Variants in DOCK10 observed in about 807,000 individuals in gnomAD.
The protein encoded by DOCK10 is dedicator of cytokinesis protein 10.
Under a neutral mutation model 280.1 loss-of-function variants are expected in DOCK10, and 145 were observed. That is an observed-to-expected ratio of 0.52 (90% CI 0.45 to 0.59). The LOEUF (loss-of-function observed/expected upper bound fraction) is 0.59. Ranked by LOEUF, DOCK10 falls within the 20% of genes least tolerant of loss-of-function variation. The pLI is 0.00. For synonymous variants in DOCK10, 915 were observed against 942.2 expected (o/e 0.97, Z 0.53); for missense variants, 2,368 against 2,651.7 (o/e 0.89, Z 2.35).
intron 44 of DOCK10, 40 bp downstream of exon 44, chr2:224,796,275 TA>T (rs1217413663): frequency 1.6e-6 from 2 of 1,272,606 alleles, no homozygotes; most frequent in Non-Finnish European, 2.2e-6. Context: ...ACTTCAGATT[TA>T]AAAAAATTCT....
chr2:224,938,071 G>A lies in DOCK10; in HGVS notation c.124-6403C>T, dbSNP rs1396161659. On this transcript the variant is annotated intron_variant, in intron 1 of 55. Coordinates refer to ENST00000258390, the MANE Select transcript of DOCK10 (RefSeq NM_014689.3). Reference sequence around the variant, plus strand: ...CCATGTCTTGGTTATTCACCATTGGGGTTGCTCTAGTTTTGTCTACCTGAA... The same window carrying A: ...CCATGTCTTGGTTATTCACCATTGGAGTTGCTCTAGTTTTGTCTACCTGAA... Among the ~76,000 whole-genome samples, 5 of 152,134 alleles carry A rather than the reference G, an allele frequency of 3.3e-5. No homozygotes were observed. In the East Asian group the frequency reaches 7.7e-4, roughly 24 times the overall value.
rs748507468 is a variant in DOCK10 at position 224,985,130 on chromosome 2, C to T, written c.124-53462G>A. ...TTGGCCTCCAAACATCAAATGTGCA[C>T]GGCCTTACTAATAAATGACCTTTGG... On this transcript the variant is annotated intron_variant, in intron 1 of 55. Transcript: ENST00000258390. Among the ~76,000 whole-genome samples the T allele has an allele frequency of 4.6e-5, 7 of 152,206 alleles. No individual in the cohort carries two copies. The South Asian group carries it at 6.2e-4, about 14-fold the overall frequency.
In DOCK10 at chr2:224,801,976, G is replaced by A. The variant is rs764765523; in HGVS notation, c.4333C>T (p.Arg1445Ter). 5.0e-6 allele frequency: 8 copies of A among 1,612,784 alleles called. No homozygotes were observed. Among genetic ancestry groups the A allele is most frequent in the African/African-American group, 2.7e-5 (2 of 74,818 alleles). Residue 1445 changes from arginine (R) to a stop codon, truncating the protein, a stop_gained, in exon 40 of 56, where the codon CGA (arginine) becomes TGA (stop). Coordinates refer to ENST00000258390, the MANE Select transcript of DOCK10 (RefSeq NM_014689.3). LOFTEE classifies it high-confidence loss of function. ...GGGTTAGAAAGTGCATTTTTGCCTC[G>A]AATTATAGGTAAAGTTTGTGATCTG... ...QHRSQTLPII[R>*]GKNALSNPKL... is the part of the protein sequence containing the mutation.
chr2:224,916,844 C>T, intron 2 of DOCK10, 60 bp from the exon 3 acceptor site: 1 of 1,224,548 alleles, frequency 8.2e-7, no homozygotes, highest in Admixed American at 2.0e-5. Flanking sequence ...AGCAGACCAG[C>T]ACACTGAACA....
In DOCK10 at chr2:225,018,197, T is replaced by C. The variant is rs191950142; in HGVS notation, c.123+24055A>G. On this transcript the variant is annotated intron_variant, in intron 1 of 55. Coordinates refer to ENST00000258390, the MANE Select transcript of DOCK10 (RefSeq NM_014689.3). ...TAAAAATAAGCTTTATTATCAACCA[T>C]GTCTGTAGTCTCCTGTATTCTACTC... Among the ~76,000 whole-genome samples the C allele has an allele frequency of 2.4e-3, 367 of 152,232 alleles. 2 individuals carry two copies. Among genetic ancestry groups the C allele is most frequent in the African/African-American group, 8.1e-3 (336 of 41,526 alleles).
intron 4 of DOCK10, among the ~76,000 whole-genome samples, chr2:224,888,370 G>T (rs1379148031): frequency 6.6e-6 from 1 of 151,638 alleles, no homozygotes; most frequent in Non-Finnish European, 1.5e-5. Flanking sequence ...TGTATGTATT[G>T]TATGTATATG....
intron 1 of DOCK10, among the ~76,000 whole-genome samples, chr2:225,016,852 A>G: frequency 6.7e-6 from 1 of 148,252 alleles, no homozygotes; most frequent in Non-Finnish European, 1.5e-5. Context: ...ATAGGTGGGC[A>G]CCACCATGCC....
chr2:224,938,309 T>C (rs1437411774), intron 1 of DOCK10, among the ~76,000 whole-genome samples: 1 of 152,166 alleles, frequency 6.6e-6, no homozygotes, highest in Non-Finnish European at 1.5e-5. Context: ...ATAACAGAAT[T>C]AATCCTGTAT....
chr2:224,802,049 A>C lies in DOCK10; in HGVS notation c.4269-9T>G, dbSNP rs778451951. ...TGGAAGTGGAGTGCATCCTGAAAAC[A>C]AAAAAAGAAAAGTGGTTAGAGTTAT... On this transcript the variant is annotated splice_polypyrimidine_tract_variant and intron_variant, in intron 39 of 55. Transcript: ENST00000258390. 3 of 1,608,972 alleles carry C rather than the reference A, an allele frequency of 1.9e-6. No homozygotes were observed. In the East Asian group the frequency reaches 6.7e-5, roughly 36 times the overall value.
chr2:224,992,879 A>G (rs1706166448), intron 1 of DOCK10, among the ~76,000 whole-genome samples: 1 of 152,226 alleles, frequency 6.6e-6, no homozygotes, highest in Non-Finnish European at 1.5e-5. Flanking sequence ...TATCTAACAA[A>G]AAGATTCAGA....
At chr2:224,824,411 C>T (rs1694707888) in intron 27 of DOCK10, among the ~76,000 whole-genome samples, 1 of 138,002 alleles carries the variant, frequency 7.2e-6, no homozygotes. Context: ...CAGCCGAGTT[C>T]TTCCATCTCA....
rs72970963 is a variant in DOCK10 at position 224,803,170 on chromosome 2, C to T, written c.4268+942G>A. 4.7e-3 allele frequency among the ~76,000 whole-genome samples: 720 copies of T among 152,246 alleles called. 2 individuals carry two copies. Among genetic ancestry groups the T allele is most frequent in the Middle Eastern group, 0.017 (5 of 294 alleles). ...AGATGTCTCAGGAGCAGCCTGAAAT[C>T]TAACCCACCACACATCTACAAAACT... is the stretch of plus-strand genomic sequence containing the variant. On this transcript the variant is annotated intron_variant, in intron 39 of 55. Transcript: ENST00000258390.
chr2:224,807,708 A>C lies in DOCK10; in HGVS notation c.3662T>G (p.Leu1221Arg). The change falls in exon 33 of 56, where the codon CTG becomes CGG. Residue 1221 changes from leucine (L) to arginine (R), a missense_variant. Leu to Arg is a moderately radical substitution (Grantham distance 102). Around this residue, in one of 2 missense-constraint regions of DOCK10, gnomAD observed 1,159 missense variants for 1,400.8 expected, o/e 0.83. Transcript: ENST00000258390. ...MLLDNMPRIYLKDLYPFTVNT... is the reference protein window; with the variant it reads ...MLLDNMPRIYRKDLYPFTVNT... ...GACAGTAAAAGGATACAGGTCCTTC[A>C]GATAAATCCTTGGCATATTGTCCAG... The C allele has an allele frequency of 6.4e-7, 1 of 1,572,222 alleles. No homozygotes were observed. Among genetic ancestry groups the C allele is most frequent in the South Asian group, 1.2e-5 (1 of 85,746 alleles).
chr2:224,973,438 CAGAGTCGG>C (rs935057520), intron 1 of DOCK10, among the ~76,000 whole-genome samples: 7 of 152,052 alleles, frequency 4.6e-5, no homozygotes, highest in African/African-American at 1.7e-4. Context: ...AGTCAGAGAT[CAGAGTCGG>C]AGAGTCGCTG....
intron 1 of DOCK10, among the ~76,000 whole-genome samples, chr2:224,944,568 A>G (rs1417047468): frequency 2.6e-5 from 4 of 152,198 alleles, no homozygotes; most frequent in Non-Finnish European, 5.9e-5. Context: ...AGAAGAGGAA[A>G]CTGAGGTTCA....
intron 55 of DOCK10, among the ~76,000 whole-genome samples, chr2:224,767,930 T>A (rs201540711): frequency 7.1e-6 from 1 of 140,206 alleles, no homozygotes; most frequent in South Asian, 2.3e-4. Context: ...TTTTTTTTTT[T>A]AAGACACAGT....
chr2:224,853,857 G>A (rs961867775), intron 16 of DOCK10, among the ~76,000 whole-genome samples: 3 of 152,168 alleles, frequency 2.0e-5, no homozygotes, highest in African/African-American at 7.2e-5. Flanking sequence ...GATTAGCTAC[G>A]AATGCTTGAG....
intron 31 of DOCK10, among the ~76,000 whole-genome samples, chr2:224,811,952 T>C (rs1559466926): frequency 6.6e-6 from 1 of 152,206 alleles, no homozygotes; most frequent in Non-Finnish European, 1.5e-5. Context: ...TGGCTTAGGA[T>C]TGACTTGGCA....
intron 11 of DOCK10, among the ~76,000 whole-genome samples, chr2:224,873,245 A>C (rs746701259): frequency 6.6e-6 from 1 of 152,128 alleles, no homozygotes; most frequent in East Asian, 1.9e-4. Context: ...TACACATGAA[A>C]ATAAACATAG....
Sources: allele counts gnomAD v4.1 joint callset (sites outside exome capture counted in the v4.1 genomes callset), GRCh38; gene constraint gnomAD v4.1.1; regional missense constraint gnomAD v4.1.1; transcripts MANE v1.5; gene names NCBI Gene and HGNC (gene_info 2026-07-23, HGNC 2026-07-21).